The following UGT1A7 variants were observed in gnomAD, a reference collection of about 807,000 sequenced individuals.
The protein encoded by UGT1A7 is UDP-glucuronosyltransferase 1A7.
A neutral mutation model predicts 45.6 loss-of-function variants in UGT1A7; 33 were observed. The observed-to-expected ratio is 0.72, with a 90% CI of 0.55 to 0.97. UGT1A7 has a LOEUF of 0.97. Ranked by LOEUF, UGT1A7 falls within the 50% of genes least tolerant of loss-of-function variation. The pLI is 0.00. For missense variants in UGT1A7, 684 were observed against 666.2 expected, an observed-to-expected ratio of 1.03 and a Z score of -0.29; for synonymous variants, 274 against 250.6, an observed-to-expected ratio of 1.09 and a Z score of -0.88.
chr2:233,744,535 T>A (rs2125863859), intron 1 of UGT1A7, among the ~76,000 whole-genome samples: 1 of 152,076 alleles, frequency 6.6e-6, no homozygotes, highest in East Asian at 1.9e-4. Flanking sequence ...TATTTTTATG[T>A]AAATTTTATT....
chr2:233,718,727 A>C (rs1248220003), intron 1 of UGT1A7: 2 of 1,610,746 alleles, frequency 1.2e-6, no homozygotes, highest in East Asian at 2.2e-5. Context: ...CTGATTTGCT[A>C]GGTGGCTCAA....
At chr2:233,757,269 G>C (rs1302149472) in intron 1 of UGT1A7, among the ~76,000 whole-genome samples, 1 of 127,616 alleles carries the variant, frequency 7.8e-6, no homozygotes, top group African/African-American at 2.9e-5. Context: ...GGCAGCCGAT[G>C]CAATGATTCA....
chr2:233,755,963 C>T (rs557149138), intron 1 of UGT1A7: 1 of 152,200 alleles, frequency 6.6e-6, no homozygotes, highest in South Asian at 2.1e-4. Flanking sequence ...GTACTTGGCT[C>T]TATAGAGAGG....
chr2:233,740,012 T>A (rs1691282549), intron 1 of UGT1A7, among the ~76,000 whole-genome samples: 1 of 151,864 alleles, frequency 6.6e-6, no homozygotes, highest in African/African-American at 2.4e-5. Flanking sequence ...AAGTGAGTTC[T>A]CATGAGAGCT....
intron 1 of UGT1A7, chr2:233,755,146 C>A: frequency 7.7e-7 from 1 of 1,304,902 alleles, no homozygotes; most frequent in Non-Finnish European, 1.0e-6. Flanking sequence ...CTTCTCACCG[C>A]TTCCTCCCTG....
rs546167427 is a variant in UGT1A7 at position 233,696,575 on chromosome 2, A to C, written c.855+13783A>C. On this transcript the variant is annotated intron_variant, in intron 1 of 4. Transcript: ENST00000373426. ...ATTATGTCATCTGAGAACAAGAATA[A>C]TTTGACTTCTTCCTTTCCAACTTGG... is the stretch of plus-strand genomic sequence containing the variant. 7.2e-5 allele frequency among the ~76,000 whole-genome samples: 11 copies of C among 151,962 alleles called. No individual in the cohort carries two copies. The South Asian group carries it at 1.3e-3, about 17-fold the overall frequency.
Position 233,772,327 on chromosome 2 carries a change from T to A in UGT1A7, c.1361T>A (p.Leu454Gln), listed in dbSNP as rs527798161. The A allele has an allele frequency of 6.2e-7, 1 of 1,614,262 alleles. No homozygotes were observed. The highest frequency in any genetic ancestry group is 1.3e-5 in the African/African-American group (1 of 75,072). The change falls in exon 5 of 5, where the codon CTG becomes CAG. Residue 454 changes from leucine to glutamine, a missense_variant. Leu to Gln is a moderately radical substitution (Grantham distance 113, BLOSUM62 -2). Transcript: ENST00000373426. ...HKDRPVEPLD[L>Q]AVFWVEFVMR... ...GACCGCCCGGTGGAGCCGCTGGACC[T>A]GGCCGTGTTCTGGGTGGAGTTTGTG...
chr2:233,696,740 AGTATGAT>A (rs1292795336), intron 1 of UGT1A7, among the ~76,000 whole-genome samples: 1 of 152,134 alleles, frequency 6.6e-6, no homozygotes, highest in African/African-American at 2.4e-5. Context: ...TACCCTTTTC[AGTATGAT>A]GTTAGCTGTG....
chr2:233,712,763 G>T (rs2125629904), intron 1 of UGT1A7, among the ~76,000 whole-genome samples: 1 of 152,292 alleles, frequency 6.6e-6, no homozygotes, highest in Non-Finnish European at 1.5e-5. Flanking sequence ...GCGAGCGCAA[G>T]GTCAGATGAG....
intron 1 of UGT1A7, among the ~76,000 whole-genome samples, chr2:233,706,104 C>A (rs1265794764): frequency 2.6e-5 from 4 of 151,128 alleles, no homozygotes; most frequent in African/African-American, 9.7e-5. Context: ...TAAAAAAAAA[C>A]CAAGAATTTC....
intron 1 of UGT1A7, among the ~76,000 whole-genome samples, chr2:233,711,620 C>T (rs893432462): frequency 6.6e-6 from 1 of 152,178 alleles, no homozygotes; most frequent in African/African-American, 2.4e-5. Context: ...GTGGACAGCT[C>T]CATTCGCTGC....
At chr2:233,764,672 GA>G (rs1265405107) in intron 1 of UGT1A7, among the ~76,000 whole-genome samples, 2 of 152,116 alleles carry the variant, frequency 1.3e-5, no homozygotes, top group Non-Finnish European at 2.9e-5. Context: ...ACGCTCAGAA[GA>G]AAGAACTTGA....
chr2:233,708,130 C>T (rs1343190051), intron 1 of UGT1A7, among the ~76,000 whole-genome samples: 1 of 152,208 alleles, frequency 6.6e-6, no homozygotes, highest in Non-Finnish European at 1.5e-5. Flanking sequence ...TCACTGTGCT[C>T]CTGTGTGGGA....
At chr2:233,731,645 T>A (rs910994370) in intron 1 of UGT1A7, among the ~76,000 whole-genome samples, 2 of 152,242 alleles carry the variant, frequency 1.3e-5, no homozygotes, top group Non-Finnish European at 2.9e-5. Context: ...TAGTATTCCA[T>A]GGTGTATATG....
At chr2:233,772,010 G>A (rs538941446) in intron 4 of UGT1A7, among the ~76,000 whole-genome samples, 1 of 152,306 alleles carries the variant, frequency 6.6e-6, no homozygotes, top group Admixed American at 6.5e-5. Flanking sequence ...CTACTCTGGA[G>A]GCTGAGGCAG....
chr2:233,737,891 T>A (rs1690616471), intron 1 of UGT1A7, among the ~76,000 whole-genome samples: 1 of 152,132 alleles, frequency 6.6e-6, no homozygotes, highest in African/African-American at 2.4e-5. Flanking sequence ...AAAGCTAATT[T>A]TCGAGTGTGG....
chr2:233,766,749 C>T (rs756688417), intron 1 of UGT1A7, among the ~76,000 whole-genome samples: 1 of 152,132 alleles, frequency 6.6e-6, no homozygotes, highest in Non-Finnish European at 1.5e-5. Context: ...CAGGTGTGTG[C>T]ATGTGTGTGC....
intron 1 of UGT1A7, among the ~76,000 whole-genome samples, chr2:233,753,936 A>C (rs545743741): frequency 2.6e-5 from 4 of 152,192 alleles, no homozygotes; most frequent in Non-Finnish European, 5.9e-5. Flanking sequence ...ATGGGATTCA[A>C]ATGTATGACC....
At chr2:233,714,225 G>T (rs1207260034) in intron 1 of UGT1A7, among the ~76,000 whole-genome samples, 1 of 152,186 alleles carries the variant, frequency 6.6e-6, no homozygotes, top group Non-Finnish European at 1.5e-5. Flanking sequence ...TTGCTGGCAA[G>T]ATTTTCAGTA....
Sources: gnomAD v4.1 joint callset for allele counts (sites outside exome capture counted in the v4.1 genomes callset) on GRCh38, gnomAD v4.1.1 for gene constraint, MANE v1.5 for transcripts, NCBI Gene and HGNC (gene_info 2026-07-23, HGNC 2026-07-21) for gene names.